The following USP13 variants were observed in gnomAD, a reference collection of about 807,000 sequenced individuals.
USP13 encodes the protein ubiquitin carboxyl-terminal hydrolase 13.
USP13 carries 68 observed loss-of-function variants against 107.8 expected under a neutral mutation model. That is an observed-to-expected ratio of 0.63 (90% confidence interval 0.52 to 0.77). The LOEUF is 0.77. Ranked by LOEUF, USP13 falls within the 30% of genes least tolerant of loss-of-function variation. USP13 has a pLI of 0.00. For synonymous variants in USP13, 377 were observed against 389.5 expected (o/e 0.97, Z 0.38); for missense variants, 945 against 1,093.3 (o/e 0.86, Z 1.91).
chr3:179,783,815 T>C (rs74331178), intron 20 of USP13, among the ~76,000 whole-genome samples: 5,482 of 151,654 alleles, frequency 0.036, 356 homozygotes, highest in African/African-American at 0.13. Flanking sequence ...CTTCAGATTG[T>C]GCTACCTTAC....
Position 179,721,417 on chromosome 3 carries a change from C to T in USP13, c.916C>T (p.Gln306Ter). 6.2e-7 allele frequency: 1 copy of T among 1,613,812 alleles called. No homozygotes were observed. Among genetic ancestry groups the T allele is most frequent in the Non-Finnish European group, 8.5e-7 (1 of 1,179,870 alleles). ...TTTGTCTCAGACAGAGAATGGGCTCCAGGACAATGACATCAAGCTGAGGGT... is the reference window on the plus strand; with the variant it reads ...TTTGTCTCAGACAGAGAATGGGCTCTAGGACAATGACATCAAGCTGAGGGT... ...LHMHGTENGL[Q>*]DNDIKLRVSE... is the part of the protein sequence containing the mutation. Residue 306 changes from glutamine (Q) to a stop codon, truncating the protein, a stop_gained, in exon 8 of 21, where the codon CAG (glutamine) becomes TAG (stop). Coordinates refer to ENST00000263966, the MANE Select transcript of USP13 (RefSeq NM_003940.3). LOFTEE classifies it high-confidence loss of function. This position sits in a 1 kb window ranked among gnomAD's most constrained non-coding sequence, Gnocchi z 4.3.
intron 10 of USP13, 66 bp downstream of exon 10, chr3:179,730,775 T>G: frequency 6.7e-7 from 1 of 1,482,570 alleles, no homozygotes; most frequent in Non-Finnish European, 9.4e-7. Flanking sequence ...GTGGGTTTCC[T>G]ATGATTTGGC....
At chr3:179,695,962 G>A (rs1342007260) in intron 3 of USP13, among the ~76,000 whole-genome samples, 1 of 152,144 alleles carries the variant, frequency 6.6e-6, no homozygotes, top group African/African-American at 2.4e-5. Flanking sequence ...ACATATTGGT[G>A]CTCAAACATT....
chr3:179,674,991 C>T (rs139453660), intron 1 of USP13, among the ~76,000 whole-genome samples: 8 of 152,130 alleles, frequency 5.3e-5, no homozygotes, highest in Admixed American at 2.6e-4. Flanking sequence ...CTGGCTAACA[C>T]GGTGAAACCC....
chr3:179,750,326 G>GTATATATATATATATATATATATATA (rs569602060), intron 13 of USP13, among the ~76,000 whole-genome samples: 12 of 75,846 alleles, frequency 1.6e-4, no homozygotes, highest in African/African-American at 4.7e-4. Flanking sequence ...ATATATGTGT[G>GTATATATATATATATATATATATATA]TATATATATA....
At chr3:179,736,792 A>G (rs1714010721) in intron 10 of USP13, among the ~76,000 whole-genome samples, 1 of 152,190 alleles carries the variant, frequency 6.6e-6, no homozygotes, top group Non-Finnish European at 1.5e-5. Flanking sequence ...TTCTGGTTGT[A>G]TGGCCACATG....
intron 8 of USP13, among the ~76,000 whole-genome samples, chr3:179,725,566 T>C (rs1713483552): frequency 6.6e-6 from 1 of 152,210 alleles, no homozygotes; most frequent in Non-Finnish European, 1.5e-5. Flanking sequence ...TTTCTAGTAG[T>C]TAGGGAATCC....
chr3:179,700,158 C>G (rs1415342388), intron 3 of USP13, among the ~76,000 whole-genome samples: 1 of 151,934 alleles, frequency 6.6e-6, no homozygotes, highest in African/African-American at 2.4e-5. Context: ...TAACCTTTAC[C>G]AGAGATGAAC....
chr3:179,742,350 G>A lies in USP13; in HGVS notation c.1534G>A (p.Asp512Asn). The change falls in exon 12 of 21, where the codon GAT becomes AAT. Residue 512 changes from aspartate (D) to asparagine (N), a missense_variant and splice_region_variant. Physicochemically the swap from Asp to Asn is conservative, Grantham distance 23. Transcript: ENST00000263966. The surrounding 1 kb of genome is among the most constrained non-coding windows in gnomAD (Gnocchi z 5.0). ...GGCCATGGAGGCGGCAACCAACAAG[G>A]GTAACAATTCCAAAGCGGGAAATTG... ...PVAMEAATNK[D>N]ELIAYELTRR... is the part of the protein sequence containing the mutation. The A allele has an allele frequency of 6.2e-7, 1 of 1,614,110 alleles. No homozygotes were observed. Among genetic ancestry groups the A allele is most frequent in the Non-Finnish European group, 8.5e-7 (1 of 1,180,004 alleles).
chr3:179,657,730 C>T (rs574553070), intron 1 of USP13, among the ~76,000 whole-genome samples: 2 of 136,300 alleles, frequency 1.5e-5, no homozygotes, highest in South Asian at 2.4e-4. Context: ...CGTCACTGCA[C>T]TCCAGCCTGG....
chr3:179,696,120 A>C (rs1450728021), intron 3 of USP13, among the ~76,000 whole-genome samples: 2 of 152,170 alleles, frequency 1.3e-5, no homozygotes, highest in Non-Finnish European at 2.9e-5. Context: ...AATAGGAAAT[A>C]AGGGTGGCAG....
rs972551335 is a variant in USP13 at position 179,715,950 on chromosome 3, G to A, written c.806-3990G>A. Among the ~76,000 whole-genome samples the A allele has an allele frequency of 5.9e-5, 9 of 152,064 alleles. No individual in the cohort carries two copies. The East Asian group carries it at 1.7e-3, about 30-fold the overall frequency. On this transcript the variant is annotated intron_variant, in intron 6 of 20. Transcript: ENST00000263966. ...CTGTTTTGTTTTGTTTTGAGACGCA[G>A]TTTCACTTTTGTTGCCCAGGCTGCA...
chr3:179,753,191 C>A (rs746578302), intron 14 of USP13, among the ~76,000 whole-genome samples: 1 of 152,232 alleles, frequency 6.6e-6, no homozygotes, highest in African/African-American at 2.4e-5. Context: ...CGCTGGTTAA[C>A]TAAGCACTCG....
chr3:179,668,082 G>A (rs761897582), intron 1 of USP13, among the ~76,000 whole-genome samples: 7 of 152,212 alleles, frequency 4.6e-5, no homozygotes, highest in Admixed American at 3.9e-4. Flanking sequence ...GCTCTAATGC[G>A]TAGGAGTCCT....
Position 179,740,334 on chromosome 3 carries a change from G to A in USP13, c.1342G>A (p.Ala448Thr), listed in dbSNP as rs762594273. The change falls in exon 11 of 21, where the codon GCC becomes ACC. Residue 448 changes from alanine (A) to threonine (T), a missense_variant. Physicochemically the swap from Ala to Thr is moderately conservative, Grantham distance 58. Coordinates refer to ENST00000263966, the MANE Select transcript of USP13 (RefSeq NM_003940.3). ...ATTCTCCTCTAACAGGCAGCAAGAT[G>A]CCCAGGAATTCTTCTTGCACCTGGT... ...PEFSSNRQQDAQEFFLHLVNL... is the reference protein window; with the variant it reads ...PEFSSNRQQDTQEFFLHLVNL... 7 of 1,614,106 alleles carry A rather than the reference G, an allele frequency of 4.3e-6. 1 individual carries two copies. In the South Asian group the frequency reaches 7.7e-5, roughly 18 times the overall value.
chr3:179,781,463 C>G (rs965899927), intron 19 of USP13, among the ~76,000 whole-genome samples: 1 of 152,128 alleles, frequency 6.6e-6, no homozygotes, highest in African/African-American at 2.4e-5. Context: ...TGCCACCAGA[C>G]CGGGCTGTGG....
chr3:179,726,890 G>A (rs1483725530), intron 8 of USP13, among the ~76,000 whole-genome samples: 1 of 151,862 alleles, frequency 6.6e-6, no homozygotes, highest in Non-Finnish European at 1.5e-5. Context: ...TTGTTGTCCA[G>A]GCTGGTCTCA....
intron 8 of USP13, among the ~76,000 whole-genome samples, chr3:179,729,680 T>TTGACACAGCA (rs1713725175): frequency 6.6e-6 from 1 of 152,034 alleles, no homozygotes; most frequent in Admixed American, 6.6e-5. Flanking sequence ...CTGTGTTAGC[T>TTGACACAGCA]AGGCTGGTCT....
intron 2 of USP13, among the ~76,000 whole-genome samples, chr3:179,682,498 C>T (rs1056857885): frequency 4.6e-5 from 7 of 152,072 alleles, no homozygotes; most frequent in African/African-American, 1.4e-4. Context: ...AATGCATATT[C>T]AAGAACAATA....
Sources: gnomAD v4.1 joint callset for allele counts (sites outside exome capture counted in the v4.1 genomes callset) on GRCh38, gnomAD v4.1.1 for gene constraint, Gnocchi (gnomAD v3.1) non-coding constraint, MANE v1.5 for transcripts, NCBI Gene and HGNC (gene_info 2026-07-23, HGNC 2026-07-21) for gene names.